The following GFM1 variants were observed in gnomAD, a reference collection of about 807,000 sequenced individuals.
The protein encoded by GFM1 is elongation factor G, mitochondrial.
A neutral mutation model predicts 96.2 loss-of-function variants in GFM1; 62 were observed. The ratio of observed to expected loss-of-function variants is 0.64; its 90% confidence interval spans 0.53 to 0.80. The LOEUF (loss-of-function observed/expected upper bound fraction) is 0.80. Ranked by LOEUF, GFM1 falls within the 30% of genes least tolerant of loss-of-function variation. The probability of loss-of-function intolerance (pLI) is 0.00; values close to 1 mark genes in which losing one functional copy is unlikely to be tolerated. For missense variants in GFM1, 852 were observed against 916.6 expected (o/e 0.93, Z 0.91); for synonymous variants, 282 against 312.9 (o/e 0.90, Z 1.04).
intron 13 of GFM1, among the ~76,000 whole-genome samples, chr3:158,676,701 C>CTTTTTT (rs201525716): frequency 5.0e-5 from 7 of 140,372 alleles, no homozygotes; most frequent in Non-Finnish European, 4.7e-5. Flanking sequence ...TTTTCTTTTT[C>CTTTTTT]TTTTTTTTTT....
Position 158,694,841 on chromosome 3 carries a change from C to CA in GFM1, c.*3378dup, listed in dbSNP as rs1726488823. ...TGAATAAAATAAAATGGAATGTAGA[C>CA]AAAATCCCTGGTATTATTTTATATG... On this transcript the variant is annotated 3_prime_UTR_variant, in exon 18 of 18. Transcript: ENST00000486715. Among the ~76,000 whole-genome samples the CA allele has an allele frequency of 6.6e-6, 1 of 151,978 alleles. No individual in the cohort carries two copies. Among genetic ancestry groups the CA allele is most frequent in the Non-Finnish European group, 1.5e-5 (1 of 68,018 alleles).
At chr3:158,665,502 A>G (rs752076135) in intron 12 of GFM1, 28 bp downstream of exon 12, 3 of 1,576,728 alleles carry the variant, frequency 1.9e-6, no homozygotes, top group Admixed American at 1.7e-5. Flanking sequence ...AGTTAAGTTG[A>G]AATCAATTTA....
Position 158,645,643 on chromosome 3 carries a change from C to G in GFM1, c.96C>G (p.Ala32=). The G allele has an allele frequency of 1.2e-6, 2 of 1,612,832 alleles. No homozygotes were observed. The highest frequency in any genetic ancestry group is 1.7e-6 in the Non-Finnish European group (2 of 1,178,912). ...ATTTTTTTCAGGTTAATTGGAAGGCCTGCCGATGGTCTTCATCAGGGGTGA... is the reference window on the plus strand; with the variant it reads ...ATTTTTTTCAGGTTAATTGGAAGGCGTGCCGATGGTCTTCATCAGGGGTGA... ...GWQRKQVNWK[A]CRWSSSGVIP... Residue 32 remains alanine, a synonymous_variant, in exon 2 of 18, where the codon GCC becomes GCG. Coordinates refer to ENST00000486715, the MANE Select transcript of GFM1 (RefSeq NM_024996.7).
Position 158,644,799 on chromosome 3 carries a change from CT to C in GFM1, c.81+85del. 6.8e-6 allele frequency: 8 copies of C among 1,180,766 alleles called. No homozygotes were observed. In the South Asian group the frequency reaches 1.0e-4, roughly 15 times the overall value. The allele number at this position is 1,180,766 out of a possible 1,614,324, so 73.1% of individuals were successfully genotyped here. On this transcript the variant is annotated intron_variant, in intron 1 of 17. Coordinates refer to ENST00000486715, the MANE Select transcript of GFM1 (RefSeq NM_024996.7). ...GGGCAATGGAAGGCCGTGACACCCC[CT>C]GGGTCCTCATGACTGACAGCTCCGA...
chr3:158,675,509 A>G (rs960809456), intron 13 of GFM1, among the ~76,000 whole-genome samples: 6 of 152,062 alleles, frequency 3.9e-5, no homozygotes, highest in South Asian at 2.1e-4. Flanking sequence ...AAATATTCCA[A>G]GTTCATATAA....
intron 11 of GFM1, among the ~76,000 whole-genome samples, chr3:158,663,789 A>G (rs78998725): frequency 0.015 from 2,325 of 152,330 alleles, 69 homozygotes; most frequent in African/African-American, 0.053. Context: ...AGGGAAATCA[A>G]TGCTTCAATA....
chr3:158,667,248 A>C (rs1372242142), intron 13 of GFM1, among the ~76,000 whole-genome samples: 2 of 152,342 alleles, frequency 1.3e-5, no homozygotes, highest in East Asian at 3.9e-4. Context: ...TCTTACACTA[A>C]ATAAAGTGTT....
intron 13 of GFM1, among the ~76,000 whole-genome samples, chr3:158,679,615 G>T (rs968196785): frequency 2.0e-5 from 3 of 152,160 alleles, no homozygotes; most frequent in African/African-American, 2.4e-5. Context: ...TAAGAAGTTG[G>T]AGGAATTTTT....
At position 158,645,801 on chromosome 3, in the gene GFM1, T is replaced by A. The variant is rs775384435; in HGVS notation, c.234+20T>A. 1 of 1,591,220 alleles carries A rather than the reference T, an allele frequency of 6.3e-7. No homozygotes were observed. Among genetic ancestry groups the A allele is most frequent in the Non-Finnish European group, 8.6e-7 (1 of 1,159,250 alleles). On this transcript the variant is annotated intron_variant, in intron 2 of 17. Transcript: ENST00000486715. The stretch of plus-strand genomic sequence containing the variant: ...CATGAGGTATATATTCACGGTTGAT[T>A]CCGGATTAATTAGAACCAGATTTTA...
intron 13 of GFM1, chr3:158,671,078 T>C: frequency 7.1e-7 from 1 of 1,402,464 alleles, no homozygotes; most frequent in East Asian, 2.7e-5. Flanking sequence ...TATACTTGCA[T>C]TGTTAGAAGT....
At chr3:158,678,681 C>T (rs558143161) in intron 13 of GFM1, among the ~76,000 whole-genome samples, 79 of 133,260 alleles carry the variant, frequency 5.9e-4, no homozygotes, top group Middle Eastern at 3.9e-3. Context: ...CTGTTGAAAA[C>T]GCTGCAAACA....
intron 8 of GFM1, chr3:158,656,130 T>C (rs1336813424): frequency 2.0e-5 from 4 of 203,680 alleles, no homozygotes; most frequent in Non-Finnish European, 3.8e-5. Flanking sequence ...GCATGATTTA[T>C]CATTGTTTTT....
intron 13 of GFM1, among the ~76,000 whole-genome samples, chr3:158,678,634 A>G (rs545931194): frequency 3.3e-5 from 5 of 152,322 alleles, no homozygotes; most frequent in East Asian, 3.9e-4. Flanking sequence ...TTCTATGGAT[A>G]AGCAAAGAAA....
intron 13 of GFM1, among the ~76,000 whole-genome samples, chr3:158,673,512 T>C (rs946230445): frequency 4.9e-5 from 5 of 101,552 alleles, no homozygotes; most frequent in East Asian, 2.1e-4. Context: ...TCTTTTCTTT[T>C]TTTTTTTTTT....
chr3:158,663,001 A>G (rs1007971166), intron 11 of GFM1, among the ~76,000 whole-genome samples: 1 of 152,142 alleles, frequency 6.6e-6, no homozygotes, highest in African/African-American at 2.4e-5. Flanking sequence ...GGAATCGGGC[A>G]CTTCTCCTAA....
At chr3:158,658,756 T>C (rs151025085) in intron 8 of GFM1, among the ~76,000 whole-genome samples, 166 bp from the exon 9 acceptor site, 3 of 152,326 alleles carry the variant, frequency 2.0e-5, no homozygotes, top group Middle Eastern at 3.4e-3. Flanking sequence ...ATTTATCTTA[T>C]CTGTGTTCAA....
intron 13 of GFM1, among the ~76,000 whole-genome samples, chr3:158,674,783 C>T (rs1015732868): frequency 6.6e-6 from 1 of 152,112 alleles, no homozygotes; most frequent in Non-Finnish European, 1.5e-5. Flanking sequence ...GGCTGTAGCT[C>T]ACCTTTTCCT....
intron 13 of GFM1, chr3:158,669,510 T>G (rs1423813145): frequency 6.2e-7 from 1 of 1,613,982 alleles, no homozygotes; most frequent in South Asian, 1.1e-5. Flanking sequence ...TTCATCTGGA[T>G]TCTTTCCAGT....
intron 7 of GFM1, among the ~76,000 whole-genome samples, chr3:158,654,338 C>T (rs1722563235): frequency 6.6e-6 from 1 of 150,946 alleles, no homozygotes; most frequent in Non-Finnish European, 1.5e-5. Context: ...TTCTGTTTCC[C>T]AAAGTGTGGG....
Sources: gnomAD v4.1 joint callset for allele counts (sites outside exome capture counted in the v4.1 genomes callset) on GRCh38, gnomAD v4.1.1 for gene constraint, MANE v1.5 for transcripts, NCBI Gene and HGNC (gene_info 2026-07-23, HGNC 2026-07-21) for gene names.